CR1: variants seen among roughly 807,000 people sequenced by gnomAD.
CR1 encodes the protein complement C3b/C4b receptor 1 (Knops blood group), also known as complement receptor type 1.
A neutral mutation model predicts 187.3 loss-of-function variants in CR1; 116 were observed. The ratio of observed to expected loss-of-function variants is 0.62; its 90% CI spans 0.53 to 0.72. The LOEUF (loss-of-function observed/expected upper bound fraction) is 0.72, where lower values mean the gene tolerates loss of function less well. Ranked by LOEUF, CR1 falls within the 30% of genes least tolerant of loss-of-function variation. The probability of loss-of-function intolerance (pLI) is 0.00; values close to 1 mark genes in which losing one functional copy is unlikely to be tolerated. For missense variants in CR1, 1,731 were observed against 2,110.7 expected (o/e 0.82, Z 3.52); for synonymous variants, 576 against 747.1 (o/e 0.77, Z 3.73).
chr1:207,604,774 G>A (rs1252119199), intron 35 of CR1, among the ~76,000 whole-genome samples: 4 of 152,066 alleles, frequency 2.6e-5, no homozygotes, highest in Non-Finnish European at 5.9e-5. Flanking sequence ...AAAAACTAAT[G>A]CCACATGATC....
In CR1 at chr1:207,641,607, A is replaced by G. The variant is rs1346713823; in HGVS notation, c.*2198A>G. 2 of 152,228 alleles carry G rather than the reference A, an allele frequency of 1.3e-5. No individual in the cohort carries two copies. Among genetic ancestry groups the G allele is most frequent in the Admixed American group, 6.5e-5 (1 of 15,282 alleles). The allele number at this position is 152,228 out of a possible 1,614,324, so 9.4% of individuals were successfully genotyped here. On this transcript the variant is annotated 3_prime_UTR_variant, in exon 47 of 47. Coordinates refer to ENST00000367049, the MANE Select transcript of CR1 (RefSeq NM_000651.6). ...TCTGAAAAGCAGGGGCTGGACACCA[A>G]TTGCCCTATGAAGCTATTGCTAGTC...
At chr1:207,573,707 G>T (rs1660646908) in intron 27 of CR1, among the ~76,000 whole-genome samples, 1 of 152,064 alleles carries the variant, frequency 6.6e-6, no homozygotes, top group African/African-American at 2.4e-5. Flanking sequence ...TGTATTCAGT[G>T]TGTTTATATA....
intron 4 of CR1, among the ~76,000 whole-genome samples, 153 bp from the exon 5 acceptor site, chr1:207,523,458 T>A (rs1165696495): frequency 1.3e-5 from 2 of 152,226 alleles, no homozygotes; most frequent in Non-Finnish European, 2.9e-5. Flanking sequence ...TTATGCCCAT[T>A]GAAGCTACAA....
chr1:207,587,621 G>C (rs192428005), intron 34 of CR1, 56 bp downstream of exon 34: 1 of 1,531,314 alleles, frequency 6.5e-7, no homozygotes, highest in Middle Eastern at 1.7e-4. Context: ...AGGTGGGACC[G>C]GGCTTGGTGG....
In CR1 at chr1:207,588,769, T is replaced by C. The variant is rs372853973; in HGVS notation, c.5805T>C (p.Asn1935=). 9.4e-6 allele frequency: 15 copies of C among 1,602,072 alleles called. No homozygotes were observed. Among genetic ancestry groups the C allele is most frequent in the Admixed American group, 1.7e-5 (1 of 58,906 alleles). The change falls in exon 35 of 47, where the codon AAT becomes AAC. Residue 1935 remains asparagine, a synonymous_variant. Coordinates refer to ENST00000367049, the MANE Select transcript of CR1 (RefSeq NM_000651.6). The part of the protein sequence containing the change: ...QFGSTVNYSC[N]EGFRLIGSPS... ...GATCAACAGTTAATTATTCTTGTAA[T>C]GAAGGGTGAGTTGAGAATACCATCT...
At position 207,639,757 on chromosome 1, in the gene CR1, T is replaced by A. The variant is rs915597784; in HGVS notation, c.*348T>A. 13 of 191,646 alleles carry A rather than the reference T, an allele frequency of 6.8e-5. No homozygotes were observed. Among genetic ancestry groups the A allele is most frequent in the Non-Finnish European group, 8.5e-5 (8 of 94,278 alleles). The allele number at this position is 191,646 out of a possible 1,614,324, so 11.9% of individuals were successfully genotyped here. ...TTGTAAGGTGGTCACTGTTCTTTTT[T>A]AAAATATTTGTAATATGGAATGGGC... On this transcript the variant is annotated 3_prime_UTR_variant, in exon 47 of 47. Transcript: ENST00000367049.
At chr1:207,519,062 G>A (rs1424415971) in intron 4 of CR1, among the ~76,000 whole-genome samples, 1 of 152,112 alleles carries the variant, frequency 6.6e-6, no homozygotes, top group African/African-American at 2.4e-5. Context: ...TTATCATAAT[G>A]AAATGTCTCT....
intron 28 of CR1, among the ~76,000 whole-genome samples, chr1:207,577,271 A>AAC (rs1341402857): frequency 4.6e-5 from 7 of 151,952 alleles, no homozygotes; most frequent in Non-Finnish European, 8.8e-5. Flanking sequence ...CAAACAAAAA[A>AAC]AAAACACATG....
At chr1:207,504,963 A>G (rs765859043) in intron 1 of CR1, among the ~76,000 whole-genome samples, 18 of 152,100 alleles carry the variant, frequency 1.2e-4, no homozygotes, top group Non-Finnish European at 1.9e-4. Flanking sequence ...CAGAAACCCT[A>G]TTGTGAACTG....
intron 46 of CR1, among the ~76,000 whole-genome samples, chr1:207,637,792 G>A (rs540389549): frequency 3.1e-4 from 47 of 152,176 alleles, no homozygotes; most frequent in Non-Finnish European, 6.3e-4. Context: ...TTCCATCTCC[G>A]CGGTGGCGCT....
At chr1:207,585,065 A>T (rs1661073320) in intron 33 of CR1, among the ~76,000 whole-genome samples, 189 bp downstream of exon 33, 1 of 152,170 alleles carries the variant, frequency 6.6e-6, no homozygotes, top group African/African-American at 2.4e-5. Context: ...AATCTATAAG[A>T]TGAAAACTCT....
At chr1:207,593,009 G>A (rs1259149583) in intron 35 of CR1, among the ~76,000 whole-genome samples, 2 of 144,664 alleles carry the variant, frequency 1.4e-5, no homozygotes, top group African/African-American at 5.3e-5. Context: ...CATGAAAATG[G>A]CCATACTGCC....
At chr1:207,595,372 G>A (rs1661399391) in intron 35 of CR1, among the ~76,000 whole-genome samples, 1 of 151,988 alleles carries the variant, frequency 6.6e-6, no homozygotes, top group East Asian at 1.9e-4. Context: ...AAAATACTAA[G>A]TTGATCCTTG....
At chr1:207,565,689 A>G in intron 23 of CR1, 149 bp from the exon 24 acceptor site, 2 of 1,027,020 alleles carry the variant, frequency 1.9e-6, no homozygotes, top group Non-Finnish European at 2.9e-6. Flanking sequence ...GGAGGCTGTG[A>G]TTTTTCCAGA....
intron 4 of CR1, among the ~76,000 whole-genome samples, chr1:207,515,157 A>ACACGTATATATACG (rs1558220693): frequency 1.8e-4 from 12 of 67,332 alleles, no homozygotes; most frequent in Admixed American, 2.2e-4. Flanking sequence ...GTATATATAC[A>ACACGTATATATACG]TATACATATA....
chr1:207,508,101 T>A (rs1294464043), intron 3 of CR1, among the ~76,000 whole-genome samples: 2 of 152,106 alleles, frequency 1.3e-5, no homozygotes, highest in Non-Finnish European at 1.5e-5. Flanking sequence ...GGCAAAACTA[T>A]GGAGACAGTG....
intron 4 of CR1, 112 bp downstream of exon 4, chr1:207,511,766 G>A: frequency 2.0e-6 from 2 of 983,898 alleles, no homozygotes; most frequent in East Asian, 2.6e-5. Context: ...TCACACGGCT[G>A]AAGACTGCGG....
At chr1:207,619,790 A>G in intron 42 of CR1, 90 bp from the exon 43 acceptor site, 2 of 1,164,426 alleles carry the variant, frequency 1.7e-6, no homozygotes, top group Non-Finnish European at 1.2e-6. Context: ...CAAGGGCAAA[A>G]TAGGTTTTGG....
chr1:207,503,488 T>C (rs1572986781), intron 1 of CR1, among the ~76,000 whole-genome samples: 1 of 152,166 alleles, frequency 6.6e-6, no homozygotes, highest in East Asian at 1.9e-4. Context: ...AGGGGTTTTC[T>C]TGCTCTTTCC....
Sources: allele counts gnomAD v4.1 joint callset (sites outside exome capture counted in the v4.1 genomes callset), GRCh38; gene constraint gnomAD v4.1.1; transcripts MANE v1.5; gene names NCBI Gene and HGNC (gene_info 2026-07-23, HGNC 2026-07-21).